ZNF787: variants seen among roughly 807,000 people sequenced by gnomAD.
ZNF787 encodes the protein TTF-I-interacting peptide 20.
ZNF787 carries 7 observed loss-of-function variants against 16.9 expected under a neutral mutation model. That is an observed-to-expected ratio of 0.42 (90% CI 0.24 to 0.78). The LOEUF (loss-of-function observed/expected upper bound fraction) is 0.78, where lower values mean the gene tolerates loss of function less well. Ranked by LOEUF, ZNF787 falls within the 30% of genes least tolerant of loss-of-function variation. The pLI is 0.30. For missense variants in ZNF787, 551 were observed against 589.3 expected (o/e 0.94, Z 0.67); for synonymous variants, 345 against 270.9 (o/e 1.27, Z -2.69).
At chr19:56,106,829 C>A (rs1986341712) in intron 1 of ZNF787, among the ~76,000 whole-genome samples, 1 of 152,274 alleles carries the variant, frequency 6.6e-6, no homozygotes, top group Non-Finnish European at 1.5e-5. Flanking sequence ...GTCTGCAGAC[C>A]AGCACGCGGA....
chr19:56,114,412 G>T (rs11879728), intron 1 of ZNF787, among the ~76,000 whole-genome samples: 6 of 101,918 alleles, frequency 5.9e-5, no homozygotes, highest in South Asian at 2.9e-4. Flanking sequence ...CACCTGCCCT[G>T]GCCAGGCCTG....
At chr19:56,116,878 C>T (rs1305381790) in intron 1 of ZNF787, among the ~76,000 whole-genome samples, 1 of 152,208 alleles carries the variant, frequency 6.6e-6, no homozygotes, top group East Asian at 1.9e-4. Flanking sequence ...CCTCTCTTAT[C>T]CAGCGACAAA....
At position 56,087,996 on chromosome 19, in the gene ZNF787, G is replaced by GGGGGGGGC; in HGVS notation, c.*26_*27insGCCCCCCC. The GGGGGGGGC allele has an allele frequency of 8.6e-7, 1 of 1,157,758 alleles. No individual in the cohort carries two copies. Among genetic ancestry groups the GGGGGGGGC allele is most frequent in the East Asian group, 4.2e-5 (1 of 24,064 alleles). 71.7% of individuals were successfully genotyped at this position (1,157,758 alleles called of 1,614,324 possible). Reference sequence around the variant, plus strand: ...GCTCCCGCCAAGCCCGAGGGGCCCTGCCCGCCCCCCCCCCCGGGCCCCTCC... The same window carrying GGGGGGGGC: ...GCTCCCGCCAAGCCCGAGGGGCCCTGGGGGGGGCCCCGCCCCCCCCCCCGGGCCCCTCC... On this transcript the variant is annotated 3_prime_UTR_variant, in exon 3 of 3. Coordinates refer to ENST00000610935, the MANE Select transcript of ZNF787 (RefSeq NM_001002836.4).
intron 1 of ZNF787, among the ~76,000 whole-genome samples, chr19:56,110,481 C>T (rs1021850770): frequency 1.3e-5 from 2 of 150,860 alleles, no homozygotes; most frequent in Admixed American, 6.6e-5. Context: ...ACACCCTAGA[C>T]ATTAAAAATG....
Position 56,115,164 on chromosome 19 carries a change from T to G in ZNF787, c.-11+6008A>C, listed in dbSNP as rs946806484. Among the ~76,000 whole-genome samples, 3 of 152,058 alleles carry G rather than the reference T, an allele frequency of 2.0e-5. No homozygotes were observed. The East Asian group carries it at 5.8e-4, about 29-fold the overall frequency. ...GGGGAAAGCTCTACACACCCTTTCC[T>G]GTTCATTCTACAGTGACTGGTCTGC... On this transcript the variant is annotated intron_variant, in intron 1 of 2. Coordinates refer to ENST00000610935, the MANE Select transcript of ZNF787 (RefSeq NM_001002836.4).
rs2030292888 is a variant in ZNF787 at position 56,121,259 on chromosome 19, C to A, written c.-98G>T. The A allele has an allele frequency of 6.6e-6, 1 of 150,854 alleles. No homozygotes were observed. The highest frequency in any genetic ancestry group is 2.4e-5 in the African/African-American group (1 of 40,932). The allele number at this position is 150,854 out of a possible 1,614,324, so 9.3% of individuals were successfully genotyped here. Reference sequence around the variant, plus strand: ...GCAGCGGCGGCAGCGGCGACTCAGACCCTGGGGTCAGGGGGACGGGCGCCC... The same window carrying A: ...GCAGCGGCGGCAGCGGCGACTCAGAACCTGGGGTCAGGGGGACGGGCGCCC... On this transcript the variant is annotated 5_prime_UTR_variant, in exon 1 of 3. Coordinates refer to ENST00000610935, the MANE Select transcript of ZNF787 (RefSeq NM_001002836.4).
At chr19:56,092,491 G>A (rs1985651618) in intron 2 of ZNF787, among the ~76,000 whole-genome samples, 1 of 149,984 alleles carries the variant, frequency 6.7e-6, no homozygotes, top group South Asian at 2.1e-4. Context: ...CCCTCCACGG[G>A]AGATAAATGT....
At position 56,087,813 on chromosome 19, in the gene ZNF787, G is replaced by A. The variant is rs1414079312; in HGVS notation, c.*210C>T. ...TAGGAAGGGCGGGCCAGGCTGAGGG[G>A]GCAGAGTCTCGAGGCGGAGAAGTGA... On this transcript the variant is annotated 3_prime_UTR_variant, in exon 3 of 3. Transcript: ENST00000610935. 3 of 761,396 alleles carry A rather than the reference G, an allele frequency of 3.9e-6. No homozygotes were observed. Among genetic ancestry groups the A allele is most frequent in the Non-Finnish European group, 3.5e-6 (2 of 564,674 alleles). The allele number at this position is 761,396 out of a possible 1,614,324, so 47.2% of individuals were successfully genotyped here. A position where few individuals can be genotyped will look rare whatever the true frequency, so the allele number is the denominator to read the frequency against.
rs532560705 is a variant in ZNF787, at chr19:56,115,460, G to A, written c.-11+5712C>T. On this transcript the variant is annotated intron_variant, in intron 1 of 2. Coordinates refer to ENST00000610935, the MANE Select transcript of ZNF787 (RefSeq NM_001002836.4). ...TGCAAGCTCCGCCTCCCGGGTTCAC[G>A]CCATTCTCCTGCCTCAGCCTCCCGA... 3.8e-4 allele frequency among the ~76,000 whole-genome samples: 56 copies of A among 146,474 alleles called. No homozygotes were observed. The East Asian group carries it at 6.2e-3, about 16-fold the overall frequency.
chr19:56,087,759 TTG>T lies in ZNF787; in HGVS notation c.*262_*263del. Reference sequence around the variant, plus strand: ...CACTCGGCCTCTGCAGTTCTCTCCATTGTCTCTCCGGCTCGCAGGCCGATAAC... The same window carrying T: ...CACTCGGCCTCTGCAGTTCTCTCCATTCTCTCCGGCTCGCAGGCCGATAAC... On this transcript the variant is annotated 3_prime_UTR_variant, in exon 3 of 3. Coordinates refer to ENST00000610935, the MANE Select transcript of ZNF787 (RefSeq NM_001002836.4). 5.5e-6 allele frequency: 2 copies of T among 360,514 alleles called. No individual in the cohort carries two copies. The highest frequency in any genetic ancestry group is 8.6e-6 in the Non-Finnish European group (2 of 231,238). 22.3% of individuals were successfully genotyped at this position (360,514 alleles called of 1,614,324 possible). A position where few individuals can be genotyped will look rare whatever the true frequency, so the allele number is the denominator to read the frequency against.
At chr19:56,091,409 G>A (rs953986828) in intron 2 of ZNF787, among the ~76,000 whole-genome samples, 8 of 152,324 alleles carry the variant, frequency 5.3e-5, no homozygotes, top group Non-Finnish European at 1.2e-4. Context: ...GCTAAGACAG[G>A]GGCACTGGGG....
chr19:56,114,820 C>T (rs1013060467), intron 1 of ZNF787, among the ~76,000 whole-genome samples: 6 of 152,010 alleles, frequency 3.9e-5, no homozygotes, highest in Non-Finnish European at 7.4e-5. Flanking sequence ...TGGCTGCTTC[C>T]GGAACCAACA....
Position 56,088,234 on chromosome 19 carries a change from T to G in ZNF787, c.938A>C (p.Glu313Ala). Residue 313 changes from glutamate (E) to alanine (A), a missense_variant, in exon 3 of 3, where the codon GAG (glutamate) becomes GCG (alanine). Around this residue, in one of 4 missense-constraint regions of ZNF787, gnomAD observed 392 missense variants for 312.7 expected, o/e 1.25. Coordinates refer to ENST00000610935, the MANE Select transcript of ZNF787 (RefSeq NM_001002836.4). This position sits in a 1 kb window ranked among gnomAD's most constrained non-coding sequence, Gnocchi z 8.6. The part of the protein sequence containing the change: ...HGDGLGAAGG[E>A]EPAHICVECG... ...CTCCACGCAGATGTGGGCCGGCTCC[T>G]CGCCCCCCGCCGCCCCGAGCCCGTC... is the stretch of plus-strand genomic sequence containing the variant. The G allele has an allele frequency of 6.7e-7, 1 of 1,489,908 alleles. No individual in the cohort carries two copies. The highest frequency in any genetic ancestry group is 8.9e-7 in the Non-Finnish European group (1 of 1,125,366). 92.3% of individuals were successfully genotyped at this position (1,489,908 alleles called of 1,614,324 possible).
intron 2 of ZNF787, among the ~76,000 whole-genome samples, chr19:56,097,142 T>C (rs1985903989): frequency 1.3e-5 from 2 of 152,042 alleles, no homozygotes; most frequent in Non-Finnish European, 2.9e-5. Context: ...CTCGGCCCTT[T>C]TTTCCCAGCA....
At chr19:56,103,278 G>A in intron 1 of ZNF787, 51 bp from the exon 2 acceptor site, 13 of 1,476,252 alleles carry the variant, frequency 8.8e-6, no homozygotes, top group Non-Finnish European at 1.2e-5. Context: ...GTGCCAGGCT[G>A]CACCGAGGGC....
intron 1 of ZNF787, among the ~76,000 whole-genome samples, chr19:56,114,260 G>A (rs1054692466): frequency 3.3e-5 from 5 of 152,114 alleles, no homozygotes; most frequent in Non-Finnish European, 7.3e-5. Flanking sequence ...GGCCAGGCCC[G>A]GTCTTTCACC....
At chr19:56,107,423 T>C (rs974296661) in intron 1 of ZNF787, among the ~76,000 whole-genome samples, 2 of 151,684 alleles carry the variant, frequency 1.3e-5, no homozygotes, top group African/African-American at 4.8e-5. Flanking sequence ...CCAGCAGACA[T>C]GGGGTCACCA....
chr19:56,096,375 C>T (rs1380499403), intron 2 of ZNF787, among the ~76,000 whole-genome samples: 2 of 151,216 alleles, frequency 1.3e-5, no homozygotes, highest in Non-Finnish European at 2.9e-5. Context: ...GCAGAGATGG[C>T]ACCACTGCAC....
At chr19:56,090,218 GA>G (rs1396561608) in intron 2 of ZNF787, among the ~76,000 whole-genome samples, 3 of 152,198 alleles carry the variant, frequency 2.0e-5, no homozygotes, top group African/African-American at 7.2e-5. Context: ...GAAGGGCCAT[GA>G]CGCCCCCCTG....
Sources: gnomAD v4.1 joint callset for allele counts (sites outside exome capture counted in the v4.1 genomes callset) on GRCh38, gnomAD v4.1.1 for gene constraint, gnomAD v4.1.1 regional missense constraint, Gnocchi (gnomAD v3.1) non-coding constraint, MANE v1.5 for transcripts, NCBI Gene and HGNC (gene_info 2026-07-23, HGNC 2026-07-21) for gene names.